Variants in NYAP2 observed in about 807,000 individuals in gnomAD.
The protein encoded by NYAP2 is neuronal tyrosine-phosphorylated phosphoinositide-3-kinase adaptor 2.
In NYAP2, 23 loss-of-function variants were observed where a neutral mutation model predicts 50.4. That is an observed-to-expected ratio of 0.46 (90% CI 0.33 to 0.65). The LOEUF is 0.65. NYAP2 is among the 30% of genes least tolerant of loss of function. The probability of loss-of-function intolerance (pLI) is 0.02; values close to 1 mark genes in which losing one functional copy is unlikely to be tolerated. For synonymous variants in NYAP2, 394 were observed against 365.2 expected, an observed-to-expected ratio of 1.08 and a Z score of -0.90; for missense variants, 885 against 861.0, an observed-to-expected ratio of 1.03 and a Z score of -0.35.
At chr2:225,643,435 C>CT (rs1206159569) in intron 6 of NYAP2, among the ~76,000 whole-genome samples, 14 of 151,228 alleles carry the variant, frequency 9.3e-5, no homozygotes, top group South Asian at 2.1e-4. Flanking sequence ...CCCTTATAAT[C>CT]TTTTTTTTTA....
intron 3 of NYAP2, among the ~76,000 whole-genome samples, chr2:225,419,090 G>A (rs552664826): frequency 1.3e-4 from 20 of 152,266 alleles, no homozygotes; most frequent in Admixed American, 3.9e-4. Context: ...TGCCTTTTGC[G>A]CAGTTAGTGA....
At position 225,651,444 on chromosome 2, in the gene NYAP2, GCTGCAAATTAGGCCGGT is replaced by G; in HGVS notation, c.1846_1862del (p.Lys616ValfsTer18). 1 of 1,613,976 alleles carries G rather than the reference GCTGCAAATTAGGCCGGT, an allele frequency of 6.2e-7. No individual in the cohort carries two copies. Among genetic ancestry groups the G allele is most frequent in the Non-Finnish European group, 8.5e-7 (1 of 1,179,856 alleles). On this transcript the variant is annotated frameshift_variant, in exon 7 of 7. Coordinates refer to ENST00000636099, the Ensembl canonical transcript of NYAP2. LOFTEE classifies it high-confidence loss of function. Reference sequence around the variant, plus strand: ...CGCTTGTTTCCAGAGCCTAAAGTAAGCTGCAAATTAGGCCGGTCTGCGTCGACGTCAGGTGTGCCTCC... The same window carrying G: ...CGCTTGTTTCCAGAGCCTAAAGTAAGCTGCGTCGACGTCAGGTGTGCCTCC...
At chr2:225,682,416 T>C in the NYAP2 span, among the ~76,000 whole-genome samples, 4 of 152,186 alleles carry the variant, frequency 2.6e-5, no homozygotes, top group Non-Finnish European at 5.9e-5. Context: ...TATAATTTTT[T>C]GGCCACTTCA....
At chr2:225,693,783 C>A in the NYAP2 span, among the ~76,000 whole-genome samples, 1 of 151,814 alleles carries the variant, frequency 6.6e-6, no homozygotes, top group East Asian at 1.9e-4. Flanking sequence ...GTCAGGATCC[C>A]AACATAAGAA....
chr2:225,477,858 T>C (rs559868126), intron 3 of NYAP2, among the ~76,000 whole-genome samples: 1 of 152,266 alleles, frequency 6.6e-6, no homozygotes, highest in African/African-American at 2.4e-5. Context: ...AATGACATTC[T>C]GTAGAGAAAA....
chr2:225,691,225 T>C, the NYAP2 span, among the ~76,000 whole-genome samples: 3 of 152,024 alleles, frequency 2.0e-5, no homozygotes, highest in African/African-American at 7.2e-5. Context: ...AAGGGGCAGG[T>C]TATAAATATT....
chr2:225,455,251 A>T (rs1689721255), intron 3 of NYAP2, among the ~76,000 whole-genome samples: 1 of 152,240 alleles, frequency 6.6e-6, no homozygotes, highest in African/African-American at 2.4e-5. Flanking sequence ...GTTTTAAGCC[A>T]CTAAGTTCTG....
At chr2:225,477,994 T>C (rs772709093) in intron 3 of NYAP2, among the ~76,000 whole-genome samples, 1 of 152,088 alleles carries the variant, frequency 6.6e-6, no homozygotes, top group African/African-American at 2.4e-5. Context: ...TCAAGGTTGA[T>C]GAGATGTTAG....
chr2:225,582,655 C>A lies in NYAP2; in HGVS notation c.1238C>A (p.Ser413Ter). ...TCTGCCACCCCTGCGCTCTCCTCGT[C>A]GCCCCCACCCCCGTCTACGCTGTAC... The change falls in exon 5 of 7, where the codon TCG (serine) becomes TAG (stop). Residue 413 changes from serine to a stop codon, truncating the protein, a stop_gained. Coordinates refer to ENST00000636099, the Ensembl canonical transcript of NYAP2. LOFTEE classifies it high-confidence loss of function. The surrounding 1 kb of genome is among the most constrained non-coding windows in gnomAD (Gnocchi z 7.0). 1.3e-6 allele frequency: 2 copies of A among 1,595,642 alleles called. No homozygotes were observed. The highest frequency in any genetic ancestry group is 1.7e-5 in the Admixed American group (1 of 58,182).
At chr2:225,487,454 G>A (rs1196329473) in intron 3 of NYAP2, among the ~76,000 whole-genome samples, 1 of 152,000 alleles carries the variant, frequency 6.6e-6, no homozygotes, top group Non-Finnish European at 1.5e-5. Flanking sequence ...CCGCCTCCTG[G>A]GTTTAAGCGA....
intron 4 of NYAP2, among the ~76,000 whole-genome samples, chr2:225,565,961 A>G (rs1691953417): frequency 6.6e-6 from 1 of 152,170 alleles, no homozygotes; most frequent in Non-Finnish European, 1.5e-5. Context: ...ATATAGAGGC[A>G]AATTAGTCTT....
downstream of NYAP2, among the ~76,000 whole-genome samples, chr2:225,658,145 G>A (rs1317122663): frequency 6.6e-6 from 1 of 152,092 alleles, no homozygotes; most frequent in East Asian, 1.9e-4. Flanking sequence ...ACACAGAACA[G>A]AACCAACAAA....
chr2:225,688,083 C>T, the NYAP2 span, among the ~76,000 whole-genome samples: 1 of 152,118 alleles, frequency 6.6e-6, no homozygotes, highest in African/African-American at 2.4e-5. Flanking sequence ...TGAATGCATA[C>T]TAAGGCTTAG....
chr2:225,406,108 AT>A (rs540990351), intron 2 of NYAP2, among the ~76,000 whole-genome samples: 2,052 of 148,174 alleles, frequency 0.014, 25 homozygotes, highest in African/African-American at 0.037. Context: ...TCCAACCACT[AT>A]TTTTTTTTTT....
chr2:225,552,254 C>T (rs959710366), intron 4 of NYAP2, among the ~76,000 whole-genome samples: 15 of 152,012 alleles, frequency 9.9e-5, no homozygotes, highest in South Asian at 2.1e-4. Flanking sequence ...AATATAAAAA[C>T]GATACATGAT....
At chr2:225,400,990 C>T (rs1694850344) in exon 2 of NYAP2, 1 of 66,360 alleles carries the variant, frequency 1.5e-5, no homozygotes, top group Non-Finnish European at 3.6e-5. Context: ...CTCTGACAGA[C>T]ACAAGTCACC....
At chr2:225,587,664 T>C (rs1195271519) in intron 5 of NYAP2, among the ~76,000 whole-genome samples, 2 of 152,130 alleles carry the variant, frequency 1.3e-5, no homozygotes, top group African/African-American at 4.8e-5. Flanking sequence ...CTTCCAAATC[T>C]AGCCCCTAAC....
rs142946731 is a variant in NYAP2 at position 225,563,406 on chromosome 2, T to C, written c.524-18535T>C. Among the ~76,000 whole-genome samples the C allele has an allele frequency of 2.0e-3, 309 of 152,232 alleles. 2 individuals are homozygous for C. The highest frequency in any genetic ancestry group is 7.1e-3 in the African/African-American group (297 of 41,568). ...AGAGCCTGGTGTTGGGAAATCACTT[T>C]TTTCGTCTGAATCACTGAAAGAGAA... is the stretch of plus-strand genomic sequence containing the variant. On this transcript the variant is annotated intron_variant, in intron 4 of 6. Coordinates refer to ENST00000636099, the Ensembl canonical transcript of NYAP2.
intron 5 of NYAP2, among the ~76,000 whole-genome samples, chr2:225,615,039 A>G (rs1692964303): frequency 6.6e-6 from 1 of 152,182 alleles, no homozygotes; most frequent in African/African-American, 2.4e-5. Flanking sequence ...TGGCAGAAGA[A>G]AGCAAAAGGA....
Sources: gnomAD v4.1 joint callset for allele counts (sites outside exome capture counted in the v4.1 genomes callset) on GRCh38, gnomAD v4.1.1 for gene constraint, Gnocchi (gnomAD v3.1) non-coding constraint, MANE v1.5 for transcripts, NCBI Gene and HGNC (gene_info 2026-07-23, HGNC 2026-07-21) for gene names.